The following TENM4 variants were observed in gnomAD, a reference collection of about 807,000 sequenced individuals.
TENM4 encodes teneurin transmembrane protein 4.
A neutral mutation model predicts 243.3 loss-of-function variants in TENM4; 82 were observed. The ratio of observed to expected loss-of-function variants is 0.34; its 90% CI spans 0.28 to 0.40. The LOEUF (loss-of-function observed/expected upper bound fraction) is 0.40. TENM4 is among the 10% of genes least tolerant of loss of function. The pLI, the probability that TENM4 is intolerant of heterozygous loss-of-function variation, is 1.00. For missense variants in TENM4, 3,138 were observed against 3,673.3 expected (o/e 0.85, Z 3.77); for synonymous variants, 1,412 against 1,456.3 (o/e 0.97, Z 0.69).
Position 79,384,742 on chromosome 11 carries a change from A to T in TENM4, c.-321+55767T>A, listed in dbSNP as rs550990295. Among the ~76,000 whole-genome samples the T allele has an allele frequency of 2.0e-5, 3 of 152,096 alleles. No individual in the cohort carries two copies. In the South Asian group the frequency reaches 6.2e-4, roughly 32 times the overall value. The stretch of plus-strand genomic sequence containing the variant: ...GGAGTTCAAGACCAGCCTGGCCAAC[A>T]TGATGAAACCCTGTCTCTACTAAAA... On this transcript the variant is annotated intron_variant, in intron 1 of 33. Coordinates refer to ENST00000278550, the MANE Select transcript of TENM4 (RefSeq NM_001098816.3).
chr11:79,106,802 C>G (rs1861381266), intron 4 of TENM4, among the ~76,000 whole-genome samples: 1 of 152,190 alleles, frequency 6.6e-6, no homozygotes, highest in Non-Finnish European at 1.5e-5. Flanking sequence ...TCTACAACAG[C>G]CTGTTGGTAA....
rs1855691059 is a variant in TENM4 at position 78,732,404 on chromosome 11, G to A, written c.3050C>T (p.Ala1017Val). 2 of 1,613,910 alleles carry A rather than the reference G, an allele frequency of 1.2e-6. No individual in the cohort carries two copies. Among genetic ancestry groups the A allele is most frequent in the Non-Finnish European group, 1.7e-6 (2 of 1,179,884 alleles). ...EIPSCDLSNF[A>V]RPNPVVSPSP... The stretch of plus-strand genomic sequence containing the variant: ...TGGAGAGACGACTGGGTTGGGGCGG[G>A]CAAAATTGCTCAGGTCACAGCTGGG... The change falls in exon 21 of 34, where the codon GCC becomes GTC. Residue 1017 changes from alanine (A) to valine (V), a missense_variant. This residue lies in a region of TENM4 where 2,467 missense variants were observed against 3,059.1 expected (regional missense o/e 0.81). Coordinates refer to ENST00000278550, the MANE Select transcript of TENM4 (RefSeq NM_001098816.3).
intron 1 of TENM4, among the ~76,000 whole-genome samples, chr11:79,312,036 C>T (rs1856730645): frequency 6.6e-6 from 1 of 152,196 alleles, no homozygotes; most frequent in African/African-American, 2.4e-5. Flanking sequence ...CGGACCCTCA[C>T]CCTGCTATCT....
intron 3 of TENM4, among the ~76,000 whole-genome samples, chr11:79,160,543 C>T (rs2135083425): frequency 6.6e-6 from 1 of 152,004 alleles, no homozygotes. Flanking sequence ...ACTTGGGGAG[C>T]CAGGTAAAGG....
At position 78,670,466 on chromosome 11, in the gene TENM4, T is replaced by C. The variant is rs113698645; in HGVS notation, c.5879A>G (p.Asn1960Ser). 8 of 1,613,836 alleles carry C rather than the reference T, an allele frequency of 5.0e-6. No individual in the cohort carries two copies. The highest frequency in any genetic ancestry group is 2.2e-5 in the South Asian group (2 of 91,080). The change falls in exon 32 of 34, where the codon AAC becomes AGC. Residue 1960 changes from asparagine (N) to serine (S), a missense_variant. By Grantham distance (46) the Asn-to-Ser change is conservative (BLOSUM62 1). Around this residue, in one of 2 missense-constraint regions of TENM4, gnomAD observed 2,467 missense variants for 3,059.1 expected, o/e 0.81. Coordinates refer to ENST00000278550, the MANE Select transcript of TENM4 (RefSeq NM_001098816.3). ...NDRLSSVTMP[N>S]VARQTLETIR... ...GGTCTCTAGTGTCTGCCGCGCCACG[T>C]TGGGCATCGTCACAGAAGAGAGGCG...
At position 79,419,787 on chromosome 11, in the gene TENM4, G is replaced by A. The variant is rs114799199; in HGVS notation, c.-321+20722C>T. Among the ~76,000 whole-genome samples the A allele has an allele frequency of 9.7e-3, 1,478 of 152,298 alleles. 19 individuals are homozygous for A. The highest frequency in any genetic ancestry group is 0.034 in the African/African-American group (1,396 of 41,556). On this transcript the variant is annotated intron_variant, in intron 1 of 33. Coordinates refer to ENST00000278550, the MANE Select transcript of TENM4 (RefSeq NM_001098816.3). ...CCACATCTCCACTCCTTGGCCTGAC[G>A]TCCCATGAACTGGCTTCGTGGGTTG...
intron 9 of TENM4, among the ~76,000 whole-genome samples, chr11:78,888,094 A>T (rs147445228): frequency 6.6e-6 from 1 of 152,186 alleles, no homozygotes; most frequent in Non-Finnish European, 1.5e-5. Flanking sequence ...CTCTATATCA[A>T]CGATGCACCT....
intron 6 of TENM4, among the ~76,000 whole-genome samples, chr11:78,917,285 A>G (rs1376387814): frequency 1.3e-5 from 2 of 152,224 alleles, no homozygotes; most frequent in Non-Finnish European, 2.9e-5. Context: ...AGTTGCATGC[A>G]AACGCCTCTA....
chr11:79,157,506 C>G (rs1030229067), intron 3 of TENM4, among the ~76,000 whole-genome samples: 5 of 152,190 alleles, frequency 3.3e-5, no homozygotes, highest in Admixed American at 2.0e-4. Flanking sequence ...GCTACAGCTA[C>G]AGTGGTAAAG....
chr11:78,661,424 A>G, intron 33 of TENM4, 25 bp downstream of exon 33: 1 of 1,598,080 alleles, frequency 6.3e-7, no homozygotes, highest in Non-Finnish European at 8.5e-7. Flanking sequence ...TGGCCTGAGG[A>G]GTGGCAGCCT....
intron 12 of TENM4, among the ~76,000 whole-genome samples, chr11:78,848,201 C>T (rs748796172): frequency 6.6e-5 from 10 of 151,852 alleles, no homozygotes; most frequent in Non-Finnish European, 1.2e-4. Flanking sequence ...CAGTAACCTC[C>T]CTTGACCACA....
At chr11:78,954,667 T>C (rs1857172674) in intron 6 of TENM4, among the ~76,000 whole-genome samples, 1 of 152,216 alleles carries the variant, frequency 6.6e-6, no homozygotes, top group Admixed American at 6.5e-5. Context: ...TGGCAAGTCA[T>C]ACACTTGCCA....
At chr11:78,783,618 C>G (rs976400606) in intron 16 of TENM4, among the ~76,000 whole-genome samples, 2 of 152,116 alleles carry the variant, frequency 1.3e-5, no homozygotes, top group African/African-American at 4.8e-5. Context: ...GGTGCTTTTA[C>G]CAAAGACCCT....
chr11:78,697,608 T>G lies in TENM4; in HGVS notation c.5087+3918A>C, dbSNP rs370742373. On this transcript the variant is annotated intron_variant, in intron 28 of 33. Transcript: ENST00000278550. ...CTTTTCTTCCTGTCTCTATTTCCCT[T>G]CCATTCTGAATTTACGTGTCATTAT... is the stretch of plus-strand genomic sequence containing the variant. Among the ~76,000 whole-genome samples the G allele has an allele frequency of 2.6e-5, 4 of 152,150 alleles. No homozygotes were observed. The South Asian group carries it at 8.3e-4, about 32-fold the overall frequency.
chr11:79,360,941 C>T (rs1407083634), intron 1 of TENM4, among the ~76,000 whole-genome samples: 1 of 152,140 alleles, frequency 6.6e-6, no homozygotes, highest in African/African-American at 2.4e-5. Context: ...ATACAGCAGA[C>T]CAAATGTGCA....
chr11:79,139,756 AT>A (rs1402655754), intron 4 of TENM4, among the ~76,000 whole-genome samples: 3 of 34,300 alleles, frequency 8.7e-5, no homozygotes, highest in Non-Finnish European at 1.5e-4. Context: ...TATAATATAT[AT>A]TATATTTATA....
At chr11:78,822,374 C>G (rs1857752024) in intron 12 of TENM4, among the ~76,000 whole-genome samples, 1 of 152,226 alleles carries the variant, frequency 6.6e-6, no homozygotes, top group Non-Finnish European at 1.5e-5. Flanking sequence ...AGAATCCACT[C>G]TAGCTCAGGA....
chr11:79,149,311 C>T (rs976758492), intron 3 of TENM4, among the ~76,000 whole-genome samples: 2 of 152,108 alleles, frequency 1.3e-5, no homozygotes, highest in African/African-American at 4.8e-5. Context: ...CTTATATTTG[C>T]TGTTGTTCCT....
rs1288809075 is a variant in TENM4, at chr11:78,903,595, G to A, written c.494-72C>T. The A allele has an allele frequency of 1.5e-5, 23 of 1,534,542 alleles. No individual in the cohort carries two copies. The East Asian group carries it at 5.6e-4, about 38-fold the overall frequency. ...CCTCGGCTGGAAAAGCAGCCACGGA[G>A]GTCTGAGCAAGACCACAGAAGAGGG... On this transcript the variant is annotated intron_variant, in intron 6 of 33. Coordinates refer to ENST00000278550, the MANE Select transcript of TENM4 (RefSeq NM_001098816.3).
Sources: allele counts gnomAD v4.1 joint callset (sites outside exome capture counted in the v4.1 genomes callset), GRCh38; gene constraint gnomAD v4.1.1; regional missense constraint gnomAD v4.1.1; transcripts MANE v1.5; gene names NCBI Gene and HGNC (gene_info 2026-07-23, HGNC 2026-07-21).